The following PLD5 variants were observed in gnomAD, a reference collection of about 807,000 sequenced individuals.
PLD5 encodes the protein phospholipase D family member 5.
Under a neutral mutation model 61.1 loss-of-function variants are expected in PLD5, and 36 were observed. The ratio of observed to expected loss-of-function variants is 0.59; its 90% CI spans 0.45 to 0.78. The LOEUF (loss-of-function observed/expected upper bound fraction) is 0.78. Among genes scored for constraint, PLD5 ranks in the 30% least tolerant of loss-of-function variants. PLD5 has a pLI of 0.00. For missense variants in PLD5, 515 were observed against 644.4 expected, an observed-to-expected ratio of 0.80 and a Z score of 2.17; for synonymous variants, 243 against 242.8, an observed-to-expected ratio of 1.00 and a Z score of -0.01.
Position 242,100,796 on chromosome 1 carries a change from AAAAAGGGGGCAGGTAAAT to A in PLD5, c.1240-32_1240-15del. 6.4e-7 allele frequency: 1 copy of A among 1,569,834 alleles called. No homozygotes were observed. Among genetic ancestry groups the A allele is most frequent in the South Asian group, 1.1e-5 (1 of 89,818 alleles). Reference sequence around the variant, plus strand: ...ATCAAAAAATTTCTGTAAGAAAAAAAAAAAGGGGGCAGGTAAATAAGAGGAACGTTTCTGGTCTTGTCC... The same window carrying A: ...ATCAAAAAATTTCTGTAAGAAAAAAAAAGAGGAACGTTTCTGGTCTTGTCC... On this transcript the variant is annotated splice_polypyrimidine_tract_variant and intron_variant, in intron 8 of 9. Transcript: ENST00000536534.
chr1:242,441,497 T>C (rs1286528576), intron 1 of PLD5, among the ~76,000 whole-genome samples: 1 of 152,100 alleles, frequency 6.6e-6, no homozygotes, highest in Non-Finnish European at 1.5e-5. Context: ...TAAAAAAAAA[T>C]TAATTTGGCT....
intron 8 of PLD5, among the ~76,000 whole-genome samples, chr1:242,103,532 A>G (rs1329680944): frequency 1.3e-5 from 2 of 152,192 alleles, no homozygotes; most frequent in Non-Finnish European, 2.9e-5. Context: ...AATTATCTGG[A>G]AAATGCTGTT....
At chr1:242,357,068 T>C (rs1660791556) in intron 1 of PLD5, among the ~76,000 whole-genome samples, 1 of 152,092 alleles carries the variant, frequency 6.6e-6, no homozygotes, top group Non-Finnish European at 1.5e-5. Flanking sequence ...CATTTTTTTT[T>C]TTAGCTTAAA....
At chr1:242,123,835 G>T (rs1377313379) in intron 6 of PLD5, among the ~76,000 whole-genome samples, 4 of 152,182 alleles carry the variant, frequency 2.6e-5, no homozygotes, top group Admixed American at 6.5e-5. Context: ...GCTGTGGCAT[G>T]TGCCTAGCTG....
intron 4 of PLD5, among the ~76,000 whole-genome samples, chr1:242,226,675 T>A (rs1670963864): frequency 6.6e-6 from 1 of 152,108 alleles, no homozygotes; most frequent in Non-Finnish European, 1.5e-5. Context: ...AACCTCCAGG[T>A]TTTACCCGCT....
intron 5 of PLD5, among the ~76,000 whole-genome samples, chr1:242,164,992 A>G (rs1051737029): frequency 6.6e-6 from 1 of 152,166 alleles, no homozygotes; most frequent in Admixed American, 6.5e-5. Flanking sequence ...CTTTAACAGA[A>G]AATTGATTAT....
chr1:242,227,595 T>C (rs1171243539), intron 4 of PLD5, among the ~76,000 whole-genome samples: 3 of 152,164 alleles, frequency 2.0e-5, no homozygotes, highest in African/African-American at 7.2e-5. Context: ...AACTCCTGAG[T>C]TCAGGCAATC....
intron 3 of PLD5, among the ~76,000 whole-genome samples, chr1:242,271,974 A>T (rs1442451976): frequency 6.6e-6 from 1 of 152,054 alleles, no homozygotes; most frequent in African/African-American, 2.4e-5. Flanking sequence ...ATATACATAG[A>T]ACACATATGC....
At chr1:242,173,525 T>G (rs1462943770) in intron 5 of PLD5, among the ~76,000 whole-genome samples, 1 of 152,170 alleles carries the variant, frequency 6.6e-6, no homozygotes, top group Non-Finnish European at 1.5e-5. Flanking sequence ...ACCAATGACT[T>G]TCTTCACAGA....
At chr1:242,514,845 G>A (rs909324205) in intron 1 of PLD5, among the ~76,000 whole-genome samples, 20 of 152,102 alleles carry the variant, frequency 1.3e-4, no homozygotes, top group African/African-American at 4.8e-4. Context: ...ACAAGCAGCA[G>A]TCACCCACAT....
chr1:242,102,542 G>A (rs1558221636), intron 8 of PLD5, among the ~76,000 whole-genome samples: 1 of 152,192 alleles, frequency 6.6e-6, no homozygotes, highest in Admixed American at 6.5e-5. Flanking sequence ...CTTTTCATGA[G>A]TCCCTCATGG....
In PLD5 at chr1:242,276,858, C is replaced by T. The variant is rs2149121324; in HGVS notation, c.496-11410G>A. The stretch of plus-strand genomic sequence containing the variant: ...CACCTCATTAGAGGATTTAATGAGT[C>T]TGAACAGTTCATCATCAAGGCCTTG... On this transcript the variant is annotated intron_variant, in intron 3 of 9. Coordinates refer to ENST00000536534, the MANE Select transcript of PLD5 (RefSeq NM_001372062.1). Among the ~76,000 whole-genome samples the T allele has an allele frequency of 1.3e-5, 2 of 152,166 alleles. 1 individual carries two copies. Among genetic ancestry groups the T allele is most frequent in the South Asian group, 4.1e-4 (2 of 4,820 alleles).
intron 1 of PLD5, among the ~76,000 whole-genome samples, chr1:242,450,498 TG>T (rs1393860651): frequency 6.6e-6 from 1 of 152,188 alleles, no homozygotes; most frequent in Non-Finnish European, 1.5e-5. Context: ...GTTCCAGGCT[TG>T]GGTTGGGTTC....
chr1:242,099,811 G>A (rs1455426498), intron 9 of PLD5, among the ~76,000 whole-genome samples: 3 of 152,268 alleles, frequency 2.0e-5, no homozygotes, highest in South Asian at 4.1e-4. Flanking sequence ...TATATTCCAT[G>A]AACATGTTTC....
intron 6 of PLD5, among the ~76,000 whole-genome samples, chr1:242,123,989 CT>C (rs1206911855): frequency 6.6e-6 from 1 of 152,180 alleles, no homozygotes; most frequent in Non-Finnish European, 1.5e-5. Context: ...AGCAGCTCTG[CT>C]TTTGTCTGAT....
At chr1:242,236,601 C>T (rs1671655961) in intron 4 of PLD5, among the ~76,000 whole-genome samples, 1 of 152,032 alleles carries the variant, frequency 6.6e-6, no homozygotes, top group African/African-American at 2.4e-5. Context: ...AATTTAAATA[C>T]TATTAAGAGA....
intron 5 of PLD5, among the ~76,000 whole-genome samples, chr1:242,161,566 T>G (rs1214687990): frequency 6.6e-6 from 1 of 152,182 alleles, no homozygotes; most frequent in Non-Finnish European, 1.5e-5. Flanking sequence ...GAGGAAAATA[T>G]TCATTGTGAA....
chr1:242,384,537 T>C (rs1204779066), intron 1 of PLD5, among the ~76,000 whole-genome samples: 1 of 152,248 alleles, frequency 6.6e-6, no homozygotes, highest in Admixed American at 6.5e-5. Flanking sequence ...TGGTCTTCCT[T>C]TGGGATATGC....
chr1:242,184,973 T>G (rs2148911581), intron 5 of PLD5, among the ~76,000 whole-genome samples: 1 of 152,308 alleles, frequency 6.6e-6, no homozygotes, highest in African/African-American at 2.4e-5. Flanking sequence ...CCCCAATTCC[T>G]GCTGTTTCTC....
Sources: allele counts gnomAD v4.1 joint callset (sites outside exome capture counted in the v4.1 genomes callset), GRCh38; gene constraint gnomAD v4.1.1; transcripts MANE v1.5; gene names NCBI Gene and HGNC (gene_info 2026-07-23, HGNC 2026-07-21).